The following ARID1B variants were observed in gnomAD, a reference collection of about 807,000 sequenced individuals.
The protein encoded by ARID1B is AT-rich interaction domain 1B.
A neutral mutation model predicts 212.3 loss-of-function variants in ARID1B; 30 were observed. The ratio of observed to expected loss-of-function variants is 0.14; its 90% CI spans 0.11 to 0.19. The LOEUF is 0.19. ARID1B is among the 10% of genes least tolerant of loss of function. The probability of loss-of-function intolerance (pLI) is 1.00; values close to 1 mark genes in which losing one functional copy is unlikely to be tolerated. For missense variants in ARID1B, 2,891 were observed against 3,204.0 expected, an observed-to-expected ratio of 0.90 and a Z score of 2.36; for synonymous variants, 1,402 against 1,301.7, an observed-to-expected ratio of 1.08 and a Z score of -1.66.
chr6:156,921,489 ACAC>A (rs1790794055), intron 3 of ARID1B, among the ~76,000 whole-genome samples: 1 of 133,002 alleles, frequency 7.5e-6, no homozygotes, highest in Non-Finnish European at 1.6e-5. Flanking sequence ...ACACACACAC[ACAC>A]AAAATGTAAG....
chr6:157,039,771 ACCTACCTTCCTTCCTT>A (rs1562569627), intron 4 of ARID1B, among the ~76,000 whole-genome samples: 1 of 84,584 alleles, frequency 1.2e-5, no homozygotes, highest in Non-Finnish European at 2.2e-5. Context: ...CTTCCTACCT[ACCTACCTTCCTTCCTT>A]CCTTCCTTCT....
At chr6:157,183,017 A>T (rs1418211969) in intron 12 of ARID1B, among the ~76,000 whole-genome samples, 1 of 152,080 alleles carries the variant, frequency 6.6e-6, no homozygotes, top group Non-Finnish European at 1.5e-5. Context: ...ATATATAACC[A>T]GGCTGGGTCT....
chr6:156,994,335 T>A (rs62422644), intron 4 of ARID1B, among the ~76,000 whole-genome samples: 7,739 of 152,208 alleles, frequency 0.051, 271 homozygotes, highest in Non-Finnish European at 0.079. Context: ...ACAGTCTTAA[T>A]GCAGAAAGCG....
At chr6:156,997,072 G>C (rs1468637574) in intron 4 of ARID1B, among the ~76,000 whole-genome samples, 3 of 152,124 alleles carry the variant, frequency 2.0e-5, no homozygotes, top group African/African-American at 4.8e-5. Context: ...AATCTCCAAG[G>C]AATTATTTTT....
intron 1 of ARID1B, among the ~76,000 whole-genome samples, chr6:156,804,805 A>T (rs1781033116): frequency 7.2e-6 from 1 of 138,628 alleles, no homozygotes; most frequent in South Asian, 2.4e-4. Flanking sequence ...ATTACATTTT[A>T]TTCCAGGGGT....
intron 5 of ARID1B, 82 bp from the exon 6 acceptor site, chr6:157,110,390 G>T: frequency 8.4e-7 from 1 of 1,190,934 alleles, no homozygotes. Context: ...AAAATTAAAT[G>T]TGGCTGTGTC....
Position 156,778,430 on chromosome 6 carries a change from G to C in ARID1B, c.750G>C (p.Ala250=). 2.0e-6 allele frequency: 3 copies of C among 1,484,126 alleles called. No individual in the cohort carries two copies. Among genetic ancestry groups the C allele is most frequent in the South Asian group, 1.3e-5 (1 of 77,224 alleles). The allele number at this position is 1,484,126 out of a possible 1,614,324, so 91.9% of individuals were successfully genotyped here. ...PQHGGAKDSA[A]GGQADPPGPP... is the part of the protein sequence containing the mutation. Reference sequence around the variant, plus strand: ...ATGGAGGCGCCAAGGACAGTGCTGCGGGCGGCCAGGCCGACCCCCCGGGCC... The same window carrying C: ...ATGGAGGCGCCAAGGACAGTGCTGCCGGCGGCCAGGCCGACCCCCCGGGCC... Residue 250 remains alanine (A), a synonymous_variant, in exon 1 of 20, where the codon GCG becomes GCC. Transcript: ENST00000636930.
At chr6:157,014,234 G>A (rs1279632393) in intron 4 of ARID1B, among the ~76,000 whole-genome samples, 1 of 152,178 alleles carries the variant, frequency 6.6e-6, no homozygotes, top group Non-Finnish European at 1.5e-5. Context: ...TCAGCATCGT[G>A]TGTCCATTAT....
chr6:156,986,229 G>GC (rs992290952), intron 4 of ARID1B, among the ~76,000 whole-genome samples: 4 of 152,154 alleles, frequency 2.6e-5, no homozygotes, highest in African/African-American at 9.7e-5. Context: ...CTTCCTCTCA[G>GC]CCCCTTCACT....
At chr6:156,841,803 AG>A (rs1783920599) in intron 2 of ARID1B, among the ~76,000 whole-genome samples, 2 of 152,162 alleles carry the variant, frequency 1.3e-5, no homozygotes. Context: ...TTTACAAATG[AG>A]GAGGCTAAGG....
At chr6:157,048,507 T>G (rs369151411) in intron 4 of ARID1B, among the ~76,000 whole-genome samples, 1 of 152,320 alleles carries the variant, frequency 6.6e-6, no homozygotes. Flanking sequence ...TTGGAAGGAA[T>G]AAAAAGTCTG....
At chr6:156,905,490 A>G (rs1307041592) in intron 3 of ARID1B, among the ~76,000 whole-genome samples, 1 of 152,192 alleles carries the variant, frequency 6.6e-6, no homozygotes, top group Admixed American at 6.5e-5. Context: ...TATGGAAAAC[A>G]ATCTGTTATT....
chr6:157,139,043 A>C (rs996700722), intron 7 of ARID1B, among the ~76,000 whole-genome samples: 2 of 152,212 alleles, frequency 1.3e-5, no homozygotes, highest in Non-Finnish European at 2.9e-5. Flanking sequence ...AGATCATCAC[A>C]TCATGATCTT....
chr6:156,947,297 T>C (rs1178800781), intron 4 of ARID1B, among the ~76,000 whole-genome samples: 2 of 152,238 alleles, frequency 1.3e-5, no homozygotes, highest in African/African-American at 4.8e-5. Flanking sequence ...TTGGGCTACA[T>C]TCTTACTTTA....
At chr6:157,154,580 G>GTTTTTTTT (rs1274752634) in intron 8 of ARID1B, among the ~76,000 whole-genome samples, 16 of 111,578 alleles carry the variant, frequency 1.4e-4, no homozygotes, top group East Asian at 5.2e-4. Context: ...TTTTTTTTTT[G>GTTTTTTTT]TTTTTTTTTT....
At chr6:157,056,610 TG>T (rs1782969527) in intron 4 of ARID1B, among the ~76,000 whole-genome samples, 1 of 152,208 alleles carries the variant, frequency 6.6e-6, no homozygotes, top group African/African-American at 2.4e-5. Context: ...TAGTTATGTT[TG>T]GTTATGATCT....
intron 7 of ARID1B, chr6:157,140,767 T>C (rs1195340740): frequency 5.0e-6 from 2 of 397,352 alleles, no homozygotes; most frequent in East Asian, 7.1e-5. Context: ...GTCCTTGGGG[T>C]CCGCCTCTGA....
chr6:157,075,225 C>T (rs1295767406), intron 4 of ARID1B, among the ~76,000 whole-genome samples: 2 of 152,100 alleles, frequency 1.3e-5, no homozygotes, highest in Non-Finnish European at 2.9e-5. Context: ...AAGAAAAATG[C>T]ATGGTTTTAA....
At chr6:156,850,748 A>T (rs1320426003) in intron 2 of ARID1B, among the ~76,000 whole-genome samples, 1 of 152,248 alleles carries the variant, frequency 6.6e-6, no homozygotes, top group African/African-American at 2.4e-5. Flanking sequence ...TTTGAAGACC[A>T]CTAACCTGGT....
Sources: allele counts gnomAD v4.1 joint callset (sites outside exome capture counted in the v4.1 genomes callset), GRCh38; gene constraint gnomAD v4.1.1; transcripts MANE v1.5; gene names NCBI Gene and HGNC (gene_info 2026-07-23, HGNC 2026-07-21).